Variants in HNRNPA1L2 observed in about 807,000 individuals in gnomAD.
The protein encoded by HNRNPA1L2 is heterogeneous nuclear ribonucleoprotein A1-like 2.
Under a neutral mutation model 18.2 loss-of-function variants are expected in HNRNPA1L2, and 10 were observed. The ratio of observed to expected loss-of-function variants is 0.55; its 90% CI spans 0.34 to 0.93. The LOEUF (loss-of-function observed/expected upper bound fraction) is 0.93. HNRNPA1L2 is among the 40% of genes least tolerant of loss of function. HNRNPA1L2 has a pLI of 0.02. For synonymous variants in HNRNPA1L2, 124 were observed against 138.6 expected, an observed-to-expected ratio of 0.89 and a Z score of 0.74; for missense variants, 308 against 394.4, an observed-to-expected ratio of 0.78 and a Z score of 1.85.
chr13:52,622,829 C>A, the HNRNPA1L2 span, among the ~76,000 whole-genome samples: 1 of 151,316 alleles, frequency 6.6e-6, no homozygotes, highest in Non-Finnish European at 1.5e-5. Flanking sequence ...TCAGTAATAT[C>A]TTGGCATTGT....
At chr13:52,624,175 C>T in the HNRNPA1L2 span, among the ~76,000 whole-genome samples, 4 of 152,124 alleles carry the variant, frequency 2.6e-5, no homozygotes, top group Non-Finnish European at 4.4e-5. Flanking sequence ...AGTGCAGTGG[C>T]GCGGTCTTGG....
At position 52,643,642 on chromosome 13, in the gene HNRNPA1L2, G is replaced by T; in HGVS notation, c.*187G>T. ...TCGAGGACTGTATTTGTGACTAATT[G>T]TATAACAGGTTATTTTAGTTTCTGT... On this transcript the variant is annotated 3_prime_UTR_variant, in exon 1 of 1. Coordinates refer to ENST00000357495, the MANE Select transcript of HNRNPA1L2 (RefSeq NM_001389320.1). The T allele has an allele frequency of 1.6e-6, 1 of 613,464 alleles. No homozygotes were observed. Among genetic ancestry groups the T allele is most frequent in the Non-Finnish European group, 2.9e-6 (1 of 345,126 alleles). The allele number at this position is 613,464 out of a possible 1,614,324, so 38.0% of individuals were successfully genotyped here. A position where few individuals can be genotyped will look rare whatever the true frequency, so the allele number is the denominator to read the frequency against.
Position 52,643,286 on chromosome 13 carries a change from A to G in HNRNPA1L2, c.794A>G (p.Asn265Ser), listed in dbSNP as rs371219782. Residue 265 changes from asparagine to serine, a missense_variant, in exon 1 of 1, where the codon AAT becomes AGT. Coordinates refer to ENST00000357495, the MANE Select transcript of HNRNPA1L2 (RefSeq NM_001389320.1). ...GGGGSYNDFG[N>S]YNNQSSNFGP... Reference sequence around the variant, plus strand: ...GGTGGAAGCTACAATGATTTTGGCAATTACAACAATCAGTCTTCAAATTTT... The same window carrying G: ...GGTGGAAGCTACAATGATTTTGGCAGTTACAACAATCAGTCTTCAAATTTT... The G allele has an allele frequency of 6.9e-5, 110 of 1,594,512 alleles. No individual in the cohort carries two copies. The highest frequency in any genetic ancestry group is 9.4e-5 in the African/African-American group (7 of 74,802).
chr13:52,635,155 C>G, the HNRNPA1L2 span, among the ~76,000 whole-genome samples: 1 of 152,142 alleles, frequency 6.6e-6, no homozygotes, highest in Non-Finnish European at 1.5e-5. Context: ...ATCTGCCAGT[C>G]AGTATGTGGT....
the HNRNPA1L2 span, among the ~76,000 whole-genome samples, chr13:52,625,942 A>T: frequency 1.3e-5 from 2 of 151,272 alleles, no homozygotes; most frequent in South Asian, 4.2e-4. Context: ...ACTCCTGGCT[A>T]ATTTTTTTTT....
At chr13:52,621,032 T>A in the HNRNPA1L2 span, among the ~76,000 whole-genome samples, 8 of 152,220 alleles carry the variant, frequency 5.3e-5, no homozygotes, top group East Asian at 9.6e-4. Flanking sequence ...TTCACTATAT[T>A]TAATGAATGA....
In HNRNPA1L2 at chr13:52,643,159, A is replaced by G. The variant is rs759705699; in HGVS notation, c.667A>G (p.Ser223Gly). 1 of 1,598,000 alleles carries G rather than the reference A, an allele frequency of 6.3e-7. No homozygotes were observed. The highest frequency in any genetic ancestry group is 8.5e-7 in the Non-Finnish European group (1 of 1,179,770). Residue 223 changes from serine to glycine, a missense_variant, in exon 1 of 1, where the codon AGT becomes GGT. By Grantham distance (56) the Ser-to-Gly change is moderately conservative. Coordinates refer to ENST00000357495, the MANE Select transcript of HNRNPA1L2 (RefSeq NM_001389320.1). ...CAACTTTGGTCGTGGAGGAAACTTCAGTGGTCGTGGTGGCTTTGGTGGCAG... is the reference window on the plus strand; with the variant it reads ...CAACTTTGGTCGTGGAGGAAACTTCGGTGGTCGTGGTGGCTTTGGTGGCAG... ...NDNFGRGGNFSGRGGFGGSCG... is the reference protein window; with the variant it reads ...NDNFGRGGNFGGRGGFGGSCG...
chr13:52,624,575 T>A, the HNRNPA1L2 span, among the ~76,000 whole-genome samples: 1 of 152,210 alleles, frequency 6.6e-6, no homozygotes, highest in Non-Finnish European at 1.5e-5. Flanking sequence ...GTAATATACA[T>A]TTGGCCCTCT....
chr13:52,638,180 A>G (rs990209071), upstream of HNRNPA1L2, among the ~76,000 whole-genome samples: 9 of 152,340 alleles, frequency 5.9e-5, no homozygotes, highest in Non-Finnish European at 5.9e-5. Flanking sequence ...ATAGGAAAGT[A>G]TAAGCTTGCT....
chr13:52,620,759 C>G, the HNRNPA1L2 span, among the ~76,000 whole-genome samples: 2 of 152,022 alleles, frequency 1.3e-5, no homozygotes, highest in Non-Finnish European at 2.9e-5. Flanking sequence ...AAAAATTAGT[C>G]CCAACTACTC....
Position 52,642,580 on chromosome 13 carries a change from C to G in HNRNPA1L2, c.88C>G (p.Leu30Val), listed in dbSNP as rs762485047. The G allele has an allele frequency of 6.8e-6, 11 of 1,611,778 alleles. No individual in the cohort carries two copies. In the South Asian group the frequency reaches 1.2e-4, roughly 18 times the overall value. ...GAGCTTTGAAACAACTGATGAGAGCCTGAGGAGCCATTTTGAGCAATGGGG... is the reference window on the plus strand; with the variant it reads ...GAGCTTTGAAACAACTGATGAGAGCGTGAGGAGCCATTTTGAGCAATGGGG... ...GLSFETTDES[L>V]RSHFEQWGTL... Residue 30 changes from leucine to valine, a missense_variant, in exon 1 of 1, where the codon CTG (leucine) becomes GTG (valine). Physicochemically the swap from Leu to Val is conservative, Grantham distance 32 (BLOSUM62 1). Coordinates refer to ENST00000357495, the MANE Select transcript of HNRNPA1L2 (RefSeq NM_001389320.1).
the HNRNPA1L2 span, among the ~76,000 whole-genome samples, chr13:52,618,113 C>T: frequency 2.5e-3 from 373 of 152,106 alleles, 3 homozygotes; most frequent in South Asian, 4.8e-3. Context: ...CATCACGGAG[C>T]GTGTAGTTCC....
chr13:52,641,749 C>G (rs1961663872), upstream of HNRNPA1L2: 1 of 152,160 alleles, frequency 6.6e-6, no homozygotes, highest in Non-Finnish European at 1.5e-5. Context: ...CTCACCTCTT[C>G]TTTATCTCAC....
chr13:52,625,415 G>A, the HNRNPA1L2 span, among the ~76,000 whole-genome samples: 3 of 152,024 alleles, frequency 2.0e-5, no homozygotes, highest in African/African-American at 7.2e-5. Context: ...ACGAAGCCCT[G>A]AAAGATACTT....
upstream of HNRNPA1L2, among the ~76,000 whole-genome samples, chr13:52,640,615 C>T (rs1182112866): frequency 1.3e-5 from 2 of 152,198 alleles, no homozygotes; most frequent in Non-Finnish European, 2.9e-5. Flanking sequence ...AGGATGTCTT[C>T]ACATAGTCAT....
At chr13:52,634,924 T>C in the HNRNPA1L2 span, among the ~76,000 whole-genome samples, 1 of 152,204 alleles carries the variant, frequency 6.6e-6, no homozygotes, top group Non-Finnish European at 1.5e-5. Context: ...GCCTGGAACA[T>C]AGTACACATT....
At chr13:52,621,028 A>G in the HNRNPA1L2 span, among the ~76,000 whole-genome samples, 1 of 152,248 alleles carries the variant, frequency 6.6e-6, no homozygotes, top group African/African-American at 2.4e-5. Context: ...GATATTCACT[A>G]TATTTAATGA....
Position 52,642,570 on chromosome 13 carries a change from T to C in HNRNPA1L2, c.78T>C (p.Thr26=). Reference sequence around the variant, plus strand: ...TTGGAGGGTTGAGCTTTGAAACAACTGATGAGAGCCTGAGGAGCCATTTTG... The same window carrying C: ...TTGGAGGGTTGAGCTTTGAAACAACCGATGAGAGCCTGAGGAGCCATTTTG... ...LFIGGLSFET[T]DESLRSHFEQ... is the part of the protein sequence containing the mutation. The change falls in exon 1 of 1, where the codon ACT becomes ACC. Residue 26 remains threonine, a synonymous_variant. Transcript: ENST00000357495. The C allele has an allele frequency of 6.2e-7, 1 of 1,611,854 alleles. No homozygotes were observed. Among genetic ancestry groups the C allele is most frequent in the Non-Finnish European group, 8.5e-7 (1 of 1,179,826 alleles).
chr13:52,621,226 C>G, the HNRNPA1L2 span, among the ~76,000 whole-genome samples: 1 of 152,088 alleles, frequency 6.6e-6, no homozygotes, highest in Non-Finnish European at 1.5e-5. Context: ...GTGGTGTTCT[C>G]TTTCATAAAT....
Sources: gnomAD v4.1 joint callset for allele counts (sites outside exome capture counted in the v4.1 genomes callset) on GRCh38, gnomAD v4.1.1 for gene constraint, MANE v1.5 for transcripts, NCBI Gene and HGNC (gene_info 2026-07-23, HGNC 2026-07-21) for gene names.